Variants in PPP1R16B observed in about 807,000 individuals in gnomAD.
The protein encoded by PPP1R16B is protein phosphatase 1 regulatory subunit 16B.
A neutral mutation model predicts 61.7 loss-of-function variants in PPP1R16B; 14 were observed. The observed-to-expected ratio is 0.23, with a 90% confidence interval of 0.15 to 0.35. The LOEUF (loss-of-function observed/expected upper bound fraction) is 0.35. PPP1R16B is among the 10% of genes least tolerant of loss of function. PPP1R16B has a pLI of 1.00. For synonymous variants in PPP1R16B, 266 were observed against 305.3 expected, an observed-to-expected ratio of 0.87 and a Z score of 1.34; for missense variants, 547 against 752.5, an observed-to-expected ratio of 0.73 and a Z score of 3.19.
At chr20:38,883,755 AG>A (rs2085221077) in intron 2 of PPP1R16B, among the ~76,000 whole-genome samples, 1 of 152,208 alleles carries the variant, frequency 6.6e-6, no homozygotes, top group African/African-American at 2.4e-5. Flanking sequence ...CATCCAGCAC[AG>A]GGTGGCACAC....
intron 3 of PPP1R16B, among the ~76,000 whole-genome samples, chr20:38,890,152 G>T (rs2085281913): frequency 6.6e-6 from 1 of 152,180 alleles, no homozygotes; most frequent in African/African-American, 2.4e-5. Context: ...GCTGGGGATG[G>T]CTTCTCTGGC....
chr20:38,892,631 C>T (rs2085300614), intron 3 of PPP1R16B, among the ~76,000 whole-genome samples: 1 of 152,120 alleles, frequency 6.6e-6, no homozygotes, highest in Non-Finnish European at 1.5e-5. Context: ...GCCACAGGCA[C>T]ATAAATAATA....
chr20:38,902,691 G>C lies in PPP1R16B; in HGVS notation c.595G>C (p.Glu199Gln). The change falls in exon 6 of 11, where the codon GAG (glutamate) becomes CAG (glutamine). Residue 199 changes from glutamate to glutamine, a missense_variant. Transcript: ENST00000299824. ...AGGCATCACCCAAGAGAAAATCAAC[G>C]AGATGCGGGTGGCTCCTGAGCAGCA... ...YQGITQEKIN[E>Q]MRVAPEQQMI... The C allele has an allele frequency of 6.2e-7, 1 of 1,614,196 alleles. No individual in the cohort carries two copies. Among genetic ancestry groups the C allele is most frequent in the South Asian group, 1.1e-5 (1 of 91,082 alleles).
At chr20:38,858,018 G>C (rs562949152) in intron 2 of PPP1R16B, among the ~76,000 whole-genome samples, 1 of 152,120 alleles carries the variant, frequency 6.6e-6, no homozygotes, top group Non-Finnish European at 1.5e-5. Context: ...CTGGTTTCTC[G>C]TGAGGGCTCT....
rs547260990 is a variant in PPP1R16B at position 38,869,027 on chromosome 20, T to C, written c.251-20568T>C. The stretch of plus-strand genomic sequence containing the variant: ...AGTCCAAAAAGTTCCCCTGTGTCCC[T>C]TCCCAGTCAATCCCCTACGCTCTTC... On this transcript the variant is annotated intron_variant, in intron 2 of 10. Transcript: ENST00000299824. 6.6e-5 allele frequency among the ~76,000 whole-genome samples: 10 copies of C among 152,256 alleles called. No homozygotes were observed. In the East Asian group the frequency reaches 1.9e-3, roughly 29 times the overall value.
At chr20:38,860,504 G>A (rs745341045) in intron 2 of PPP1R16B, among the ~76,000 whole-genome samples, 2 of 152,240 alleles carry the variant, frequency 1.3e-5, no homozygotes, top group Admixed American at 6.5e-5. Flanking sequence ...TCACCACATG[G>A]GGCGGTATAG....
At chr20:38,892,774 C>T (rs2085301484) in intron 3 of PPP1R16B, among the ~76,000 whole-genome samples, 1 of 152,164 alleles carries the variant, frequency 6.6e-6, no homozygotes, top group Non-Finnish European at 1.5e-5. Flanking sequence ...GATATCTGAG[C>T]TGGGTCTTGA....
At chr20:38,834,113 C>A (rs2084854370) in intron 1 of PPP1R16B, among the ~76,000 whole-genome samples, 1 of 152,228 alleles carries the variant, frequency 6.6e-6, no homozygotes, top group Non-Finnish European at 1.5e-5. Context: ...TACCATTCCT[C>A]CTCCAAGCTT....
At chr20:38,896,744 T>C (rs2085352579) in intron 4 of PPP1R16B, among the ~76,000 whole-genome samples, 1 of 152,214 alleles carries the variant, frequency 6.6e-6, no homozygotes, top group Non-Finnish European at 1.5e-5. Flanking sequence ...ACTGAAACTC[T>C]GTACCCATCA....
chr20:38,917,235 G>A (rs542243742), intron 10 of PPP1R16B, among the ~76,000 whole-genome samples: 12 of 151,500 alleles, frequency 7.9e-5, no homozygotes, highest in Admixed American at 2.6e-4. Flanking sequence ...GGCAGAGGTT[G>A]CGGTGAGCAG....
chr20:38,809,999 AAAAAAAAC>A (rs2084689280), intron 1 of PPP1R16B, among the ~76,000 whole-genome samples: 1 of 151,178 alleles, frequency 6.6e-6, no homozygotes, highest in African/African-American at 2.4e-5. Flanking sequence ...AAAAAAAAAA[AAAAAAAAC>A]AAAACCAAAA....
rs1341892586 is a variant in PPP1R16B at position 38,835,937 on chromosome 20, C to T, written c.12C>T (p.His4=). The part of the protein sequence containing the change: MAS[H]VDLLTELQLL... ...GGAGGGCGGTGGCCATGGCCAGTCA[C>T]GTGGACCTGCTGACGGAGCTGCAGC... The change falls in exon 2 of 11, where the codon CAC becomes CAT. Residue 4 remains histidine (H), a synonymous_variant. Coordinates refer to ENST00000299824, the MANE Select transcript of PPP1R16B (RefSeq NM_015568.4). 3 of 1,541,216 alleles carry T rather than the reference C, an allele frequency of 1.9e-6. No homozygotes were observed. The highest frequency in any genetic ancestry group is 1.7e-6 in the Non-Finnish European group (2 of 1,145,354).
Position 38,812,506 on chromosome 20 carries a change from G to A in PPP1R16B, c.-102+6714G>A, listed in dbSNP as rs116613603. The stretch of plus-strand genomic sequence containing the variant: ...CTTGGCCAACGGGAAGACATCGCTT[G>A]TTTTCTTTGGACCGTTTGATGTCCC... On this transcript the variant is annotated intron_variant, in intron 1 of 10. Coordinates refer to ENST00000299824, the MANE Select transcript of PPP1R16B (RefSeq NM_015568.4). Among the ~76,000 whole-genome samples the A allele has an allele frequency of 3.7e-3, 560 of 152,302 alleles. 4 individuals carry two copies. Among genetic ancestry groups the A allele is most frequent in the African/African-American group, 0.013 (532 of 41,558 alleles).
At chr20:38,911,059 T>C (rs535657725) in intron 10 of PPP1R16B, among the ~76,000 whole-genome samples, 1 of 152,156 alleles carries the variant, frequency 6.6e-6, no homozygotes, top group South Asian at 2.1e-4. Flanking sequence ...TTGCCCAGGC[T>C]GGTCTCAAAC....
chr20:38,908,149 G>A lies in PPP1R16B; in HGVS notation c.1150G>A (p.Gly384Arg), dbSNP rs1298784572. Residue 384 changes from glycine to arginine, a missense_variant, in exon 10 of 11, where the codon GGG becomes AGG. Transcript: ENST00000299824. ...AEDQRTSTYN[G>R]DIRETRTDQE... ...GGATCAGCGGACCTCCACCTACAAC[G>A]GGGACATCAGGGAGACCAGGACAGA... The A allele has an allele frequency of 2.5e-6, 4 of 1,614,226 alleles. No individual in the cohort carries two copies. Among genetic ancestry groups the A allele is most frequent in the African/African-American group, 1.3e-5 (1 of 75,058 alleles).
In PPP1R16B at chr20:38,907,908, G is replaced by A. The variant is rs773154570; in HGVS notation, c.1001G>A (p.Arg334Gln). The A allele has an allele frequency of 3.7e-6, 6 of 1,614,106 alleles. No homozygotes were observed. The highest frequency in any genetic ancestry group is 2.7e-5 in the African/African-American group (2 of 74,930). The change falls in exon 9 of 11, where the codon CGG (arginine) becomes CAG (glutamine). Residue 334 changes from arginine (R) to glutamine (Q), a missense_variant. Arg to Gln is a conservative substitution (Grantham distance 43, BLOSUM62 1). Coordinates refer to ENST00000299824, the MANE Select transcript of PPP1R16B (RefSeq NM_015568.4). This position sits in a 1 kb window ranked among gnomAD's most constrained non-coding sequence, Gnocchi z 4.5. ...CTGAGGCACAAGTCATCCTTGAGCC[G>A]GAGGACCTCCAGCGCAGGCAGCCGT... ...SQLRHKSSLS[R>Q]RTSSAGSRGK...
Position 38,890,895 on chromosome 20 carries a change from C to T in PPP1R16B, c.321+1230C>T, listed in dbSNP as rs377449518. ...GCACAGAGAATGGCCACGCCCTGCCCGTAAGCCCCAGGGGCAGGTCCCTGT... is the reference window on the plus strand; with the variant it reads ...GCACAGAGAATGGCCACGCCCTGCCTGTAAGCCCCAGGGGCAGGTCCCTGT... On this transcript the variant is annotated intron_variant, in intron 3 of 10. Coordinates refer to ENST00000299824, the MANE Select transcript of PPP1R16B (RefSeq NM_015568.4). Among the ~76,000 whole-genome samples, 59 of 152,286 alleles carry T rather than the reference C, an allele frequency of 3.9e-4. No homozygotes were observed. In the South Asian group the frequency reaches 0.011, roughly 28 times the overall value.
intron 10 of PPP1R16B, among the ~76,000 whole-genome samples, chr20:38,916,925 G>A (rs2085546133): frequency 6.6e-6 from 1 of 151,758 alleles, no homozygotes; most frequent in Non-Finnish European, 1.5e-5. Context: ...CCAATGCCAT[G>A]TATATCTATA....
chr20:38,864,183 G>A (rs1190686998), intron 2 of PPP1R16B, among the ~76,000 whole-genome samples: 2 of 152,206 alleles, frequency 1.3e-5, no homozygotes, highest in African/African-American at 4.8e-5. Flanking sequence ...CCTATGGCTC[G>A]GGGTGTGGTG....
Sources: gnomAD v4.1 joint callset for allele counts (sites outside exome capture counted in the v4.1 genomes callset) on GRCh38, gnomAD v4.1.1 for gene constraint, Gnocchi (gnomAD v3.1) non-coding constraint, MANE v1.5 for transcripts, NCBI Gene and HGNC (gene_info 2026-07-23, HGNC 2026-07-21) for gene names.